The following PIK3C2G variants were observed in gnomAD, a reference collection of about 807,000 sequenced individuals.
The protein encoded by PIK3C2G is phosphatidylinositol 3-kinase C2 domain-containing subunit gamma.
A neutral mutation model predicts 181.1 loss-of-function variants in PIK3C2G; 168 were observed. That is an observed-to-expected ratio of 0.93 (90% confidence interval 0.82 to 1.05). The LOEUF is 1.05. PIK3C2G is among the 50% of genes least tolerant of loss of function. PIK3C2G has a pLI of 0.00. For missense variants in PIK3C2G, 1,869 were observed against 1,732.8 expected, an observed-to-expected ratio of 1.08 and a Z score of -1.40; for synonymous variants, 573 against 592.2, an observed-to-expected ratio of 0.97 and a Z score of 0.47.
In PIK3C2G at chr12:18,538,146, T is replaced by G; in HGVS notation, c.3324-10T>G. ...TCCTTCGAATGATTGCTACTGTTTT[T>G]GGTTTACAGGGACCGAGCTCCTTTC... On this transcript the variant is annotated splice_polypyrimidine_tract_variant and intron_variant, in intron 24 of 32. Transcript: ENST00000538779. The G allele has an allele frequency of 6.2e-7, 1 of 1,605,058 alleles. No homozygotes were observed. Among genetic ancestry groups the G allele is most frequent in the African/African-American group, 1.3e-5 (1 of 74,350 alleles).
upstream of PIK3C2G, among the ~76,000 whole-genome samples, chr12:18,257,833 G>C (rs1219976580): frequency 7.9e-6 from 1 of 126,404 alleles, no homozygotes; most frequent in East Asian, 3.1e-4. Flanking sequence ...GAAAGAAAGA[G>C]AAAGGAAAAG....
intron 6 of PIK3C2G, among the ~76,000 whole-genome samples, chr12:18,316,514 C>G (rs1010663314): frequency 6.6e-6 from 1 of 152,152 alleles, no homozygotes; most frequent in Admixed American, 6.5e-5. Context: ...GTTCAACTTA[C>G]AAGCTTATCC....
At chr12:18,699,930 A>G in the PIK3C2G span, 2 of 1,610,728 alleles carry the variant, frequency 1.2e-6, no homozygotes, top group Non-Finnish European at 1.7e-6. Flanking sequence ...ATAAGGCCAG[A>G]GCAATTTTTA....
intron 14 of PIK3C2G, among the ~76,000 whole-genome samples, chr12:18,387,938 G>C (rs1943279905): frequency 1.3e-5 from 2 of 152,100 alleles, no homozygotes; most frequent in Non-Finnish European, 2.9e-5. Context: ...TTTTATCTAA[G>C]CAAGACGTCT....
At chr12:18,404,137 T>C (rs927930201) in intron 16 of PIK3C2G, among the ~76,000 whole-genome samples, 1 of 152,136 alleles carries the variant, frequency 6.6e-6, no homozygotes, top group Non-Finnish European at 1.5e-5. Flanking sequence ...GGAAAAATAT[T>C]TCCAAAATAT....
At chr12:18,282,947 TA>T (rs973236914) in intron 2 of PIK3C2G, among the ~76,000 whole-genome samples, 188 bp downstream of exon 2, 41 of 133,674 alleles carry the variant, frequency 3.1e-4, no homozygotes, top group East Asian at 5.9e-4. Context: ...AAAGGGAAAT[TA>T]AAAAAAAAAT....
chr12:18,662,841 C>T, the PIK3C2G span, among the ~76,000 whole-genome samples: 20 of 151,822 alleles, frequency 1.3e-4, no homozygotes, highest in Non-Finnish European at 2.9e-4. Flanking sequence ...ACAGAAAATG[C>T]ACATAGAATA....
chr12:18,615,330 G>GGTGTGTGTGTGTGTGTGTGT (rs3055216), intron 31 of PIK3C2G, among the ~76,000 whole-genome samples: 3 of 138,140 alleles, frequency 2.2e-5, no homozygotes, highest in South Asian at 2.3e-4. Flanking sequence ...AGTATTCCAC[G>GGTGTGTGTGTGTGTGTGTGT]GTGTGTGTGT....
intron 22 of PIK3C2G, among the ~76,000 whole-genome samples, chr12:18,503,077 C>A (rs1941603373): frequency 6.6e-6 from 1 of 152,106 alleles, no homozygotes; most frequent in African/African-American, 2.4e-5. Context: ...TTAATCCGAT[C>A]CAAACACAAG....
At chr12:18,312,288 G>T (rs371204198) in intron 5 of PIK3C2G, among the ~76,000 whole-genome samples, 7 of 152,116 alleles carry the variant, frequency 4.6e-5, no homozygotes, top group African/African-American at 1.7e-4. Flanking sequence ...ACACGCAGGT[G>T]GATAAAATAA....
chr12:18,282,148 G>T lies in PIK3C2G; in HGVS notation c.67G>T (p.Glu23Ter). The change falls in exon 2 of 33, where the codon GAA becomes TAA. Residue 23 changes from glutamate to a stop codon, truncating the protein, a stop_gained. Transcript: ENST00000538779. LOFTEE classifies it high-confidence loss of function. ...ESHEKQYEHQ[E>*]FLFVNQPHSS... ...ACACGAAAAGCAGTATGAACACCAA[G>T]AATTTCTCTTTGTAAATCAACCCCA... The T allele has an allele frequency of 6.2e-7, 1 of 1,610,452 alleles. No individual in the cohort carries two copies. The highest frequency in any genetic ancestry group is 1.3e-5 in the African/African-American group (1 of 74,994).
chr12:18,482,040 G>C (rs1323671014), intron 18 of PIK3C2G, among the ~76,000 whole-genome samples: 2 of 152,062 alleles, frequency 1.3e-5, no homozygotes, highest in Non-Finnish European at 2.9e-5. Flanking sequence ...AACCAGGCTA[G>C]ATTCTATAGT....
intron 18 of PIK3C2G, 43 bp downstream of exon 18, chr12:18,424,082 A>G (rs771932996): frequency 1.7e-6 from 2 of 1,143,422 alleles, no homozygotes; most frequent in Admixed American, 3.7e-5. Flanking sequence ...TTTAATTGCC[A>G]CCTTCTCTAT....
chr12:18,303,117 TC>T, intron 5 of PIK3C2G, among the ~76,000 whole-genome samples: 1 of 106,150 alleles, frequency 9.4e-6, no homozygotes, highest in South Asian at 2.9e-4. Context: ...TTTCTTTCCT[TC>T]TTTCTTTCTT....
the PIK3C2G span, among the ~76,000 whole-genome samples, chr12:18,697,406 C>A: frequency 6.6e-6 from 1 of 152,046 alleles, no homozygotes; most frequent in Admixed American, 6.6e-5. Context: ...CTTATCTAGT[C>A]CTAACAGATG....
intron 30 of PIK3C2G, among the ~76,000 whole-genome samples, chr12:18,594,959 T>C (rs1054926550): frequency 2.0e-5 from 3 of 152,076 alleles, no homozygotes; most frequent in African/African-American, 7.2e-5. Context: ...AGGATTATTA[T>C]TGCAAAAACT....
At chr12:18,243,350 A>G (rs2136921555), upstream of PIK3C2G, among the ~76,000 whole-genome samples, 2 of 152,020 alleles carry the variant, frequency 1.3e-5, no homozygotes, top group African/African-American at 4.8e-5. Flanking sequence ...TTTTAAAAGA[A>G]TAATTACTAC....
At chr12:18,402,954 C>CT (rs1944332463) in intron 16 of PIK3C2G, among the ~76,000 whole-genome samples, 2 of 152,040 alleles carry the variant, frequency 1.3e-5, no homozygotes, top group African/African-American at 4.8e-5. Context: ...AAACTGAGGC[C>CT]TATAGAGGTT....
At chr12:18,276,761 A>G (rs1192025850) in intron 1 of PIK3C2G, among the ~76,000 whole-genome samples, 1 of 152,140 alleles carries the variant, frequency 6.6e-6, no homozygotes, top group African/African-American at 2.4e-5. Flanking sequence ...AGTGCTTGAC[A>G]TATATACTTA....
Sources: allele counts gnomAD v4.1 joint callset (sites outside exome capture counted in the v4.1 genomes callset), GRCh38; gene constraint gnomAD v4.1.1; transcripts MANE v1.5; gene names NCBI Gene and HGNC (gene_info 2026-07-23, HGNC 2026-07-21).